Variants in KALRN observed in about 807,000 individuals in gnomAD.
KALRN encodes kalirin.
In KALRN, 70 loss-of-function variants were observed where a neutral mutation model predicts 353.7. The ratio of observed to expected loss-of-function variants is 0.20; its 90% CI spans 0.16 to 0.24. KALRN has a LOEUF of 0.24. Among genes scored for constraint, KALRN ranks in the 10% least tolerant of loss-of-function variants. The pLI is 1.00. For synonymous variants in KALRN, 1,391 were observed against 1,434.8 expected (o/e 0.97, Z 0.69); for missense variants, 2,791 against 3,756.7 (o/e 0.74, Z 6.72).
intron 34 of KALRN, among the ~76,000 whole-genome samples, chr3:124,587,032 C>T (rs1170391574): frequency 1.3e-5 from 2 of 152,182 alleles, no homozygotes; most frequent in Non-Finnish European, 2.9e-5. Context: ...GTGCATGGCC[C>T]AGAGTCCGTG....
chr3:124,599,930 A>G (rs964501339), intron 34 of KALRN, among the ~76,000 whole-genome samples: 1 of 152,198 alleles, frequency 6.6e-6, no homozygotes, highest in Admixed American at 6.5e-5. Flanking sequence ...TGGGTTCCAC[A>G]CACAGCTTGT....
intron 51 of KALRN, among the ~76,000 whole-genome samples, chr3:124,683,432 C>T (rs1240779939): frequency 1.3e-5 from 2 of 152,162 alleles, no homozygotes; most frequent in African/African-American, 2.4e-5. Flanking sequence ...TGTTTTTGTA[C>T]CTGCCCCCTA....
intron 32 of KALRN, among the ~76,000 whole-genome samples, chr3:124,493,994 A>G (rs962197337): frequency 6.6e-6 from 1 of 152,244 alleles, no homozygotes; most frequent in African/African-American, 2.4e-5. Context: ...CCCTACTTTA[A>G]TAAATAAATT....
At chr3:124,181,185 A>C (rs1208475319) in intron 1 of KALRN, among the ~76,000 whole-genome samples, 2 of 151,866 alleles carry the variant, frequency 1.3e-5, no homozygotes, top group African/African-American at 4.8e-5. Context: ...TGGGCGACAG[A>C]GATTGCAGTA....
At chr3:124,152,394 A>G (rs1161163664) in intron 1 of KALRN, 9 of 1,211,236 alleles carry the variant, frequency 7.4e-6, no homozygotes, top group East Asian at 2.3e-5. Flanking sequence ...TTGGGCTCAC[A>G]CTATTGATAC....
chr3:124,403,487 C>T (rs1307584933), intron 13 of KALRN, among the ~76,000 whole-genome samples: 2 of 152,066 alleles, frequency 1.3e-5, no homozygotes, highest in South Asian at 2.1e-4. Flanking sequence ...TAATTGCAAG[C>T]GAGGTATGCT....
intron 33 of KALRN, among the ~76,000 whole-genome samples, chr3:124,520,808 A>T (rs2067101239): frequency 6.6e-6 from 1 of 152,234 alleles, no homozygotes; most frequent in African/African-American, 2.4e-5. Flanking sequence ...AGTACCAGGA[A>T]GACACTTGAT....
chr3:124,400,084 G>T (rs1346285751), intron 13 of KALRN, among the ~76,000 whole-genome samples: 1 of 152,058 alleles, frequency 6.6e-6, no homozygotes, highest in Non-Finnish European at 1.5e-5. Context: ...TGGGTTTGGT[G>T]AGCTTCCCAA....
rs1424573484 is a variant in KALRN at position 124,446,161 on chromosome 3, C to T, written c.3314C>T (p.Ala1105Val). 6.2e-7 allele frequency: 1 copy of T among 1,610,046 alleles called. No homozygotes were observed. Among genetic ancestry groups the T allele is most frequent in the Non-Finnish European group, 8.5e-7 (1 of 1,176,566 alleles). ...HTRGPEQQVKAILSELLQREN... is the reference protein window; with the variant it reads ...HTRGPEQQVKVILSELLQREN... Reference sequence around the variant, plus strand: ...CATCATGCATCTCCTCTGCCCACAGCCATCCTGAGTGAGCTCCTGCAGAGG... The same window carrying T: ...CATCATGCATCTCCTCTGCCCACAGTCATCCTGAGTGAGCTCCTGCAGAGG... The change falls in exon 20 of 60, where the codon GCC (alanine) becomes GTC (valine). Residue 1105 changes from alanine to valine, a missense_variant and splice_region_variant. This residue lies in a region of KALRN where 268 missense variants were observed against 347.0 expected (regional missense o/e 0.77). Transcript: ENST00000682506.
chr3:124,588,986 A>G (rs2149340106), intron 34 of KALRN, among the ~76,000 whole-genome samples: 1 of 152,308 alleles, frequency 6.6e-6, no homozygotes, highest in Non-Finnish European at 1.5e-5. Flanking sequence ...GAATCACTTC[A>G]CTGGGGAGGT....
At chr3:124,269,662 C>T (rs2073935355) in intron 5 of KALRN, among the ~76,000 whole-genome samples, 1 of 152,202 alleles carries the variant, frequency 6.6e-6, no homozygotes, top group Admixed American at 6.5e-5. Context: ...GGAACAAAAA[C>T]AGTACTGTTA....
chr3:124,234,933 A>C lies in KALRN; in HGVS notation c.253A>C (p.Ser85Arg), dbSNP rs1449739109. The C allele has an allele frequency of 1.3e-6, 2 of 1,599,594 alleles. No individual in the cohort carries two copies. The highest frequency in any genetic ancestry group is 1.3e-5 in the African/African-American group (1 of 74,660). Residue 85 changes from serine (S) to arginine (R), a missense_variant, in exon 3 of 60, where the codon AGC becomes CGC. By Grantham distance (110) the Ser-to-Arg change is moderately radical (BLOSUM62 -1). This residue lies in a region of KALRN where 110 missense variants were observed against 204.1 expected (regional missense o/e 0.54). Transcript: ENST00000682506. ...GCGGAAACTCGTGACGTATTTGGCC[A>C]GCGTGCCAAGGTAAGGGGAAGGGGA... is the stretch of plus-strand genomic sequence containing the variant. Reference protein sequence around the residue: ...DLRKLVTYLASVPSEDVCKRG... With the variant: ...DLRKLVTYLARVPSEDVCKRG...
chr3:124,678,129 C>T (rs1429325066), intron 49 of KALRN, 61 bp from the exon 50 acceptor site: 66 of 1,584,076 alleles, frequency 4.2e-5, no homozygotes, highest in Non-Finnish European at 5.1e-5. Context: ...GTGGTGAGCC[C>T]GCCCTCCACA....
chr3:124,340,469 G>A (rs1196557706), intron 9 of KALRN, among the ~76,000 whole-genome samples: 1 of 152,110 alleles, frequency 6.6e-6, no homozygotes, highest in Non-Finnish European at 1.5e-5. Context: ...GTTGCAGTGA[G>A]CCAAGACTGT....
chr3:124,477,368 G>A (rs775486602), intron 27 of KALRN, 34 bp downstream of exon 27: 98 of 1,464,308 alleles, frequency 6.7e-5, no homozygotes, highest in African/African-American at 4.2e-5. Flanking sequence ...AGCAGCTGAT[G>A]AGCAGGTGGA....
intron 1 of KALRN, chr3:124,094,909 C>G (rs758782666): frequency 6.2e-6 from 10 of 1,613,358 alleles, no homozygotes; most frequent in Non-Finnish European, 8.5e-6. Flanking sequence ...ATCGAGGTAT[C>G]CTGAGTGTGT....
chr3:124,657,977 G>A (rs952630924), intron 41 of KALRN, among the ~76,000 whole-genome samples, 174 bp downstream of exon 41: 2 of 151,994 alleles, frequency 1.3e-5, no homozygotes, highest in African/African-American at 2.4e-5. Context: ...ACATAGTGAG[G>A]CCCCCATCTC....
Position 124,694,517 on chromosome 3 carries a change from C to T in KALRN, c.7577+14C>T. The T allele has an allele frequency of 6.2e-7, 1 of 1,609,830 alleles. No homozygotes were observed. ...GGTCTCCTCTTGGTAAGCCGATTGC[C>T]CTAACATCAGCAACAGCAGCCCCTT... On this transcript the variant is annotated intron_variant, in intron 53 of 59. Transcript: ENST00000682506.
In KALRN at chr3:124,452,706, T is replaced by C. The variant is rs1013903815; in HGVS notation, c.3553-2471T>C. Among the ~76,000 whole-genome samples, 49 of 152,222 alleles carry C rather than the reference T, an allele frequency of 3.2e-4. 1 individual carries two copies. Among genetic ancestry groups the C allele is most frequent in the Non-Finnish European group, 7.3e-5 (5 of 68,046 alleles). Reference sequence around the variant, plus strand: ...GGAAGGGCGTGTCTACACTTCCCTCTACCTACTTCCTAAGGATGCATCTAA... The same window carrying C: ...GGAAGGGCGTGTCTACACTTCCCTCCACCTACTTCCTAAGGATGCATCTAA... On this transcript the variant is annotated intron_variant, in intron 21 of 59. Transcript: ENST00000682506.
Sources: gnomAD v4.1 joint callset for allele counts (sites outside exome capture counted in the v4.1 genomes callset) on GRCh38, gnomAD v4.1.1 for gene constraint, gnomAD v4.1.1 regional missense constraint, MANE v1.5 for transcripts, NCBI Gene and HGNC (gene_info 2026-07-23, HGNC 2026-07-21) for gene names.